The following ZNF451 variants were observed in gnomAD, a reference collection of about 807,000 sequenced individuals.
The protein encoded by ZNF451 is zinc finger protein 451, also known as E3 SUMO-protein ligase ZNF451.
ZNF451 carries 80 observed loss-of-function variants against 107.1 expected under a neutral mutation model. That is an observed-to-expected ratio of 0.75 (90% CI 0.62 to 0.90). The LOEUF is 0.90. Among genes scored for constraint, ZNF451 ranks in the 40% least tolerant of loss-of-function variants. The pLI is 0.00. For missense variants in ZNF451, 1,107 were observed against 1,236.2 expected, an observed-to-expected ratio of 0.90 and a Z score of 1.57; for synonymous variants, 362 against 406.5, an observed-to-expected ratio of 0.89 and a Z score of 1.32.
chr6:57,148,356 A>C lies in ZNF451; in HGVS notation c.2271A>C (p.Leu757Phe). ...DKGKLWFRCS[L>F]CSATAQNLTD... ...GAAAACTGTGGTTTCGCTGCAGTTT[A>C]TGTTCGGCAACAGCACAGAATTTAA... The change falls in exon 10 of 15, where the codon TTA becomes TTC. Residue 757 changes from leucine (L) to phenylalanine (F), a missense_variant. Physicochemically the swap from Leu to Phe is conservative, Grantham distance 22. This residue lies in a region of ZNF451 where 608 missense variants were observed against 649.2 expected (regional missense o/e 0.94). Transcript: ENST00000370706. The C allele has an allele frequency of 1.2e-6, 2 of 1,614,018 alleles. No homozygotes were observed. Among genetic ancestry groups the C allele is most frequent in the Non-Finnish European group, 1.7e-6 (2 of 1,179,934 alleles).
chr6:57,115,265 GA>G (rs756586767), intron 3 of ZNF451: 3 of 150,658 alleles, frequency 2.0e-5, no homozygotes, highest in Non-Finnish European at 3.0e-5. Context: ...GATCCTGTCA[GA>G]AAAAAAAAGT....
At chr6:57,157,396 G>C (rs1007475456) in intron 13 of ZNF451, among the ~76,000 whole-genome samples, 2 of 152,068 alleles carry the variant, frequency 1.3e-5, no homozygotes, top group African/African-American at 4.8e-5. Context: ...TGGAGTTCCT[G>C]GTTCTGTATA....
intron 13 of ZNF451, among the ~76,000 whole-genome samples, chr6:57,158,158 C>G (rs1189097449): frequency 6.6e-6 from 1 of 152,192 alleles, no homozygotes; most frequent in African/African-American, 2.4e-5. Flanking sequence ...GTATCAACGA[C>G]TGTGGTTGAG....
intron 9 of ZNF451, among the ~76,000 whole-genome samples, chr6:57,143,596 A>T (rs1376374132): frequency 6.6e-6 from 1 of 152,204 alleles, no homozygotes; most frequent in Non-Finnish European, 1.5e-5. Context: ...CATGCCACAG[A>T]TGTTGATAAG....
intron 13 of ZNF451, among the ~76,000 whole-genome samples, chr6:57,154,810 T>C (rs1395663697): frequency 6.6e-6 from 1 of 152,226 alleles, no homozygotes; most frequent in Non-Finnish European, 1.5e-5. Context: ...AAGATATTAA[T>C]GAATTACCTT....
intron 3 of ZNF451, chr6:57,109,862 C>G: frequency 2.3e-6 from 1 of 426,836 alleles, no homozygotes; most frequent in Non-Finnish European, 3.1e-6. Context: ...TGAAAACAGT[C>G]TTTTAGTTTG....
chr6:57,141,484 T>C, intron 8 of ZNF451, 29 bp downstream of exon 8: 2 of 1,573,268 alleles, frequency 1.3e-6, no homozygotes, highest in South Asian at 2.4e-5. Context: ...CTGCTGAAAA[T>C]TAAACTACTT....
chr6:57,124,702 T>A (rs1830837257), intron 3 of ZNF451, 32 bp from the exon 4 acceptor site: 1 of 1,475,114 alleles, frequency 6.8e-7, no homozygotes, highest in Middle Eastern at 1.7e-4. Flanking sequence ...CTAATTTTGT[T>A]AAAAGGAATG....
At chr6:57,116,260 T>C (rs901931995) in intron 3 of ZNF451, 3 of 152,106 alleles carry the variant, frequency 2.0e-5, no homozygotes, top group African/African-American at 7.2e-5. Flanking sequence ...AGATTTGTAA[T>C]GGAAAAATAT....
intron 3 of ZNF451, chr6:57,103,606 G>A (rs1355081573): frequency 1.0e-6 from 1 of 985,214 alleles, no homozygotes; most frequent in Non-Finnish European, 1.2e-6. Flanking sequence ...TGAGGGGTCT[G>A]AATACATCAC....
At chr6:57,135,809 C>G (rs930407797) in intron 7 of ZNF451, among the ~76,000 whole-genome samples, 1 of 151,938 alleles carries the variant, frequency 6.6e-6, no homozygotes, top group Non-Finnish European at 1.5e-5. Flanking sequence ...TTGAGAATAT[C>G]CATATTTGGA....
chr6:57,153,831 T>C lies in ZNF451; in HGVS notation c.2884-30T>C, dbSNP rs186755373. On this transcript the variant is annotated intron_variant, in intron 12 of 14. Coordinates refer to ENST00000370706, the MANE Select transcript of ZNF451 (RefSeq NM_001031623.3). Reference sequence around the variant, plus strand: ...TGTTTTGAAACTCATGCTGATTTTTTATCAACCTGTGCCATTTGTTCTAAC... The same window carrying C: ...TGTTTTGAAACTCATGCTGATTTTTCATCAACCTGTGCCATTTGTTCTAAC... 7.5e-4 allele frequency: 1,200 copies of C among 1,609,936 alleles called. 2 individuals carry two copies. Among genetic ancestry groups the C allele is most frequent in the South Asian group, 1.4e-3 (128 of 90,776 alleles).
chr6:57,159,177 T>A, intron 13 of ZNF451: 1 of 985,398 alleles, frequency 1.0e-6, no homozygotes, highest in Non-Finnish European at 1.2e-6. Context: ...ATTTTCTCTG[T>A]TCTTCTGATG....
chr6:57,147,772 A>G lies in ZNF451; in HGVS notation c.1687A>G (p.Met563Val), dbSNP rs1022564415. 11 of 1,613,884 alleles carry G rather than the reference A, an allele frequency of 6.8e-6. No homozygotes were observed. The highest frequency in any genetic ancestry group is 9.3e-6 in the Non-Finnish European group (11 of 1,179,968). Residue 563 changes from methionine to valine, a missense_variant, in exon 10 of 15, where the codon ATG becomes GTG. Coordinates refer to ENST00000370706, the MANE Select transcript of ZNF451 (RefSeq NM_001031623.3). ...TAATGGACACAGATATTTTTATGAG[A>G]TGGATGAGGTAGAAGGTGAAACTTT... ...FHNGHRYFYE[M>V]DEVEGETLPS...
intron 9 of ZNF451, among the ~76,000 whole-genome samples, chr6:57,146,359 C>T (rs543432274): frequency 8.5e-5 from 13 of 152,078 alleles, no homozygotes; most frequent in African/African-American, 2.7e-4. Flanking sequence ...GGCCATTGTC[C>T]GGAAGGGGTT....
intron 13 of ZNF451, among the ~76,000 whole-genome samples, chr6:57,155,598 C>G (rs1763383041): frequency 6.6e-6 from 1 of 152,208 alleles, no homozygotes; most frequent in South Asian, 2.1e-4. Flanking sequence ...CAAGGCCAAC[C>G]TCCCTTTCCT....
chr6:57,098,936 A>G, intron 2 of ZNF451, 125 bp from the exon 3 acceptor site: 1 of 602,862 alleles, frequency 1.7e-6, no homozygotes, highest in Non-Finnish European at 3.0e-6. Flanking sequence ...ATTTTCTGCT[A>G]CCCACAAAGC....
chr6:57,152,253 T>C lies in ZNF451; in HGVS notation c.2785T>C (p.Cys929Arg). 1.2e-6 allele frequency: 2 copies of C among 1,613,794 alleles called. No homozygotes were observed. The highest frequency in any genetic ancestry group is 1.7e-6 in the Non-Finnish European group (2 of 1,179,894). The change falls in exon 12 of 15, where the codon TGT (cysteine) becomes CGT (arginine). Residue 929 changes from cysteine to arginine, a missense_variant. Physicochemically the swap from Cys to Arg is radical, Grantham distance 180. Coordinates refer to ENST00000370706, the MANE Select transcript of ZNF451 (RefSeq NM_001031623.3). ...GNTNWKPPLNCKIYNYLNRIG... is the reference protein window; with the variant it reads ...GNTNWKPPLNRKIYNYLNRIG... ...CACCAATTGGAAGCCTCCGCTCAACTGTAAGATTTATAACTACCTGAACAG... is the reference window on the plus strand; with the variant it reads ...CACCAATTGGAAGCCTCCGCTCAACCGTAAGATTTATAACTACCTGAACAG...
At chr6:57,142,134 G>A in intron 9 of ZNF451, 39 bp downstream of exon 9, 1 of 1,533,662 alleles carries the variant, frequency 6.5e-7, no homozygotes, top group Non-Finnish European at 8.9e-7. Context: ...ATACGGATGA[G>A]TGTTTGCCAG....
Sources: gnomAD v4.1 joint callset for allele counts (sites outside exome capture counted in the v4.1 genomes callset) on GRCh38, gnomAD v4.1.1 for gene constraint, gnomAD v4.1.1 regional missense constraint, MANE v1.5 for transcripts, NCBI Gene and HGNC (gene_info 2026-07-23, HGNC 2026-07-21) for gene names.